MIGA1: variants seen among roughly 807,000 people sequenced by gnomAD.
MIGA1 encodes the protein family with sequence similarity 73, member A.
A neutral mutation model predicts 82.0 loss-of-function variants in MIGA1; 58 were observed. The observed-to-expected ratio is 0.71, with a 90% CI of 0.57 to 0.88. The LOEUF (loss-of-function observed/expected upper bound fraction) is 0.88. Ranked by LOEUF, MIGA1 falls within the 40% of genes least tolerant of loss-of-function variation. The pLI, the probability that MIGA1 is intolerant of heterozygous loss-of-function variation, is 0.00. For missense variants in MIGA1, 751 were observed against 749.1 expected, an observed-to-expected ratio of 1.00 and a Z score of -0.03; for synonymous variants, 249 against 253.6, an observed-to-expected ratio of 0.98 and a Z score of 0.17.
At chr1:77,810,857 A>G in intron 5 of MIGA1, 1 of 1,610,198 alleles carries the variant, frequency 6.2e-7, no homozygotes, top group South Asian at 1.1e-5. Context: ...TCATCATGTC[A>G]GGATCATTCC....
chr1:77,847,901 GGAT>G, intron 8 of MIGA1: 1 of 1,507,556 alleles, frequency 6.6e-7, no homozygotes, highest in Admixed American at 1.7e-5. Flanking sequence ...AGAGCAGCAA[GGAT>G]GATGAAATAA....
rs1685368400 is a variant in MIGA1 at position 77,858,995 on chromosome 1, C to A, written c.1054C>A (p.Pro352Thr). The change falls in exon 9 of 16, where the codon CCA becomes ACA. Residue 352 changes from proline (P) to threonine (T), a missense_variant. Physicochemically the swap from Pro to Thr is conservative, Grantham distance 38 (BLOSUM62 -1). Coordinates refer to ENST00000370791, the MANE Select transcript of MIGA1 (RefSeq NM_198549.4). ...CAGCCTGGAGTCCCTTTGTCACTGC[C>A]CATTTTACGAGGAAGCCATGCATTT... is the stretch of plus-strand genomic sequence containing the variant. The A allele has an allele frequency of 6.2e-7, 1 of 1,613,812 alleles. No individual in the cohort carries two copies. The highest frequency in any genetic ancestry group is 1.1e-5 in the South Asian group (1 of 91,068).
chr1:77,854,834 A>C (rs1412912049), intron 8 of MIGA1, among the ~76,000 whole-genome samples: 2 of 151,720 alleles, frequency 1.3e-5, no homozygotes, highest in Non-Finnish European at 2.9e-5. Context: ...ATTTTCTCCC[A>C]CTCTGTGGGT....
chr1:77,855,331 G>C (rs1685209525), intron 8 of MIGA1, among the ~76,000 whole-genome samples: 1 of 152,124 alleles, frequency 6.6e-6, no homozygotes, highest in Admixed American at 6.6e-5. Context: ...GTCGTGTGAT[G>C]CCTCCAGAAT....
At chr1:77,834,970 G>A (rs1684373935) in intron 7 of MIGA1, among the ~76,000 whole-genome samples, 1 of 152,148 alleles carries the variant, frequency 6.6e-6, no homozygotes, top group Admixed American at 6.5e-5. Flanking sequence ...AATCTGCAGT[G>A]GACAGCCTGG....
At chr1:77,825,896 G>A (rs942371614) in intron 7 of MIGA1, among the ~76,000 whole-genome samples, 11 of 152,152 alleles carry the variant, frequency 7.2e-5, no homozygotes, top group African/African-American at 2.4e-4. Flanking sequence ...CTTGCTAGCC[G>A]AGACATTAAG....
rs190500587 is a variant in MIGA1 at position 77,872,993 on chromosome 1, C to T, written c.1564-11C>T. 4.4e-3 allele frequency: 7,132 copies of T among 1,613,680 alleles called. 29 individuals are homozygous for T. Among genetic ancestry groups the T allele is most frequent in the Middle Eastern group, 9.4e-3 (57 of 6,062 alleles). ...GTAGAAGTAACTTGATTCTCCTTTA[C>T]TTCCCAGCAGATCCCAGATGGATTT... On this transcript the variant is annotated splice_polypyrimidine_tract_variant and intron_variant, in intron 14 of 15. Coordinates refer to ENST00000370791, the MANE Select transcript of MIGA1 (RefSeq NM_198549.4).
At chr1:77,790,740 T>C (rs1682382029) in intron 2 of MIGA1, among the ~76,000 whole-genome samples, 1 of 151,528 alleles carries the variant, frequency 6.6e-6, no homozygotes, top group Non-Finnish European at 1.5e-5. Flanking sequence ...GTGCCCACCA[T>C]CATGCCCGGC....
chr1:77,869,741 C>A (rs1260567507), intron 14 of MIGA1, among the ~76,000 whole-genome samples: 2 of 108,826 alleles, frequency 1.8e-5, no homozygotes, highest in South Asian at 3.3e-4. Context: ...CTGGCCGACC[C>A]CCCCCCCGCC....
chr1:77,806,203 A>G (rs1213367512), intron 4 of MIGA1, among the ~76,000 whole-genome samples: 2 of 152,200 alleles, frequency 1.3e-5, no homozygotes, highest in Non-Finnish European at 2.9e-5. Context: ...ACCACATGCT[A>G]CTGAACTGAA....
At chr1:77,869,809 C>T (rs1406561301) in intron 14 of MIGA1, among the ~76,000 whole-genome samples, 2 of 106,250 alleles carry the variant, frequency 1.9e-5, no homozygotes, top group Admixed American at 8.3e-5. Flanking sequence ...CCAGTAGGGG[C>T]GGCCGGGCAG....
In MIGA1 at chr1:77,801,512, T is replaced by A. The variant is rs749708562; in HGVS notation, c.373+4T>A. On this transcript the variant is annotated splice_donor_region_variant and intron_variant, in intron 3 of 15. Coordinates refer to ENST00000370791, the MANE Select transcript of MIGA1 (RefSeq NM_198549.4). ...AAAAGAGCAGCATCAGACAAAGGTA[T>A]GTGGAAATAGTTGAAGTAAGTGTAC... 1.9e-6 allele frequency: 3 copies of A among 1,591,082 alleles called. No homozygotes were observed. The highest frequency in any genetic ancestry group is 2.6e-6 in the Non-Finnish European group (3 of 1,175,330).
chr1:77,844,123 T>G lies in MIGA1; in HGVS notation c.996+716T>G, dbSNP rs1215219714. On this transcript the variant is annotated intron_variant, in intron 8 of 15. Transcript: ENST00000370791. ...CTTAAAAAAAAAAAAAATATATATA[T>G]ATATATATATATATAGATAGATAGA... Among the ~76,000 whole-genome samples, 250 of 107,428 alleles carry G rather than the reference T, an allele frequency of 2.3e-3. 3 individuals carry two copies. The highest frequency in any genetic ancestry group is 0.01 in the African/African-American group (236 of 23,574). The allele number at this position is 107,428 out of a possible 152,430, so 70.5% of individuals were successfully genotyped here.
intron 8 of MIGA1, among the ~76,000 whole-genome samples, chr1:77,850,956 A>G (rs1570995553): frequency 6.6e-6 from 1 of 150,472 alleles, no homozygotes; most frequent in African/African-American, 2.4e-5. Context: ...TGCAACCTCT[A>G]CCTCCCGTGT....
intron 5 of MIGA1, 54 bp downstream of exon 5, chr1:77,807,155 T>G: frequency 1.4e-6 from 2 of 1,407,844 alleles, no homozygotes; most frequent in Non-Finnish European, 9.7e-7. Flanking sequence ...TAATTTGTTT[T>G]GTTCTTGTTT....
chr1:77,786,349 C>T (rs532842784), intron 2 of MIGA1, among the ~76,000 whole-genome samples: 1 of 152,218 alleles, frequency 6.6e-6, no homozygotes, highest in African/African-American at 2.4e-5. Context: ...ACATTTTCCC[C>T]ATTATCTTGG....
intron 8 of MIGA1, among the ~76,000 whole-genome samples, chr1:77,846,090 T>C (rs1436050358): frequency 6.6e-6 from 1 of 152,086 alleles, no homozygotes; most frequent in East Asian, 1.9e-4. Context: ...TTCAGAACAT[T>C]TTTATCACCC....
intron 11 of MIGA1, chr1:77,860,393 G>T: frequency 3.0e-6 from 1 of 334,680 alleles, no homozygotes; most frequent in South Asian, 5.9e-5. Context: ...AACCATCACT[G>T]TTATTATTAC....
intron 8 of MIGA1, among the ~76,000 whole-genome samples, chr1:77,849,289 C>A (rs759326438): frequency 6.6e-6 from 1 of 151,880 alleles, no homozygotes; most frequent in East Asian, 1.9e-4. Flanking sequence ...CCCAGCTGTT[C>A]GAGAGGCTGA....
Sources: gnomAD v4.1 joint callset for allele counts (sites outside exome capture counted in the v4.1 genomes callset) on GRCh38, gnomAD v4.1.1 for gene constraint, MANE v1.5 for transcripts, NCBI Gene and HGNC (gene_info 2026-07-23, HGNC 2026-07-21) for gene names.